PTPRM: variants seen among roughly 807,000 people sequenced by gnomAD.
PTPRM encodes protein tyrosine phosphatase receptor type M.
PTPRM carries 47 observed loss-of-function variants against 186.7 expected under a neutral mutation model. The observed-to-expected ratio is 0.25, with a 90% CI of 0.20 to 0.32. The LOEUF is 0.32. PTPRM is among the 10% of genes least tolerant of loss of function. PTPRM has a pLI of 1.00. For missense variants in PTPRM, 1,494 were observed against 1,865.0 expected (o/e 0.80, Z 3.66); for synonymous variants, 668 against 674.9 (o/e 0.99, Z 0.16).
intron 7 of PTPRM, among the ~76,000 whole-genome samples, chr18:8,000,436 A>G (rs1040528470): frequency 2.6e-5 from 4 of 152,324 alleles, no homozygotes; most frequent in African/African-American, 9.6e-5. Flanking sequence ...TGTGCCAATA[A>G]GTGAATATAT....
chr18:8,280,660 T>C (rs1159903369), intron 19 of PTPRM, among the ~76,000 whole-genome samples: 1 of 152,192 alleles, frequency 6.6e-6, no homozygotes, highest in Admixed American at 6.5e-5. Context: ...CCAGCCTCGT[T>C]GCAAGTGCTC....
chr18:7,630,500 G>A (rs1183350144), intron 1 of PTPRM, among the ~76,000 whole-genome samples: 2 of 152,144 alleles, frequency 1.3e-5, no homozygotes, highest in East Asian at 3.9e-4. Context: ...TGAGAGATGT[G>A]GTTATGAGGA....
intron 14 of PTPRM, among the ~76,000 whole-genome samples, chr18:8,187,062 C>A (rs2093652325): frequency 1.3e-5 from 2 of 151,922 alleles, no homozygotes; most frequent in Admixed American, 1.3e-4. Flanking sequence ...CTGTCAGCCT[C>A]CCGAGTAGTT....
At position 8,394,561 on chromosome 18, in the gene PTPRM, C is replaced by G; in HGVS notation, c.4294C>G (p.His1432Asp). ...LRHQRTVDVFHAVKTLRNNKP... is the reference protein window; with the variant it reads ...LRHQRTVDVFDAVKTLRNNKP... ...GCACCAGAGAACCGTGGATGTCTTT[C>G]ACGCTGTGAAGACACTGAGGAACAA... Residue 1432 changes from histidine to aspartate, a missense_variant, in exon 32 of 33, where the codon CAC becomes GAC. Coordinates refer to ENST00000580170, the MANE Select transcript of PTPRM (RefSeq NM_001105244.2). 4 of 1,613,788 alleles carry G rather than the reference C, an allele frequency of 2.5e-6. No homozygotes were observed. Among genetic ancestry groups the G allele is most frequent in the Non-Finnish European group, 3.4e-6 (4 of 1,179,858 alleles).
chr18:7,878,323 G>A (rs1482934463), intron 2 of PTPRM, among the ~76,000 whole-genome samples: 2 of 152,112 alleles, frequency 1.3e-5, no homozygotes, highest in East Asian at 1.9e-4. Context: ...TGTGGACACC[G>A]TTTCATTTTC....
chr18:7,675,730 C>T (rs1283906136), intron 1 of PTPRM, among the ~76,000 whole-genome samples: 4 of 143,596 alleles, frequency 2.8e-5, no homozygotes, highest in African/African-American at 1.1e-4. Context: ...TTTGCTTTTT[C>T]ATTCAGCATT....
At chr18:8,245,400 G>C (rs1013687492) in intron 15 of PTPRM, among the ~76,000 whole-genome samples, 1 of 152,152 alleles carries the variant, frequency 6.6e-6, no homozygotes, top group Admixed American at 6.5e-5. Context: ...GGGCAGCACT[G>C]TTGCTTTCAT....
chr18:8,003,227 T>G (rs2083975920), intron 7 of PTPRM, among the ~76,000 whole-genome samples: 1 of 152,140 alleles, frequency 6.6e-6, no homozygotes, highest in African/African-American at 2.4e-5. Context: ...ATAAGTCTCA[T>G]GAGATCTGAT....
intron 14 of PTPRM, among the ~76,000 whole-genome samples, chr18:8,180,739 G>A (rs2093561246): frequency 6.6e-6 from 1 of 152,162 alleles, no homozygotes; most frequent in Non-Finnish European, 1.5e-5. Context: ...CCACCATTTT[G>A]CCTCTTAGTG....
At chr18:8,146,102 C>T (rs1026307893) in intron 14 of PTPRM, among the ~76,000 whole-genome samples, 9 of 149,524 alleles carry the variant, frequency 6.0e-5, no homozygotes, top group South Asian at 4.2e-4. Flanking sequence ...GATCCCAGCT[C>T]GCTGCAACCT....
intron 14 of PTPRM, among the ~76,000 whole-genome samples, chr18:8,227,864 A>G (rs142816470): frequency 1.0e-3 from 157 of 152,294 alleles, no homozygotes; most frequent in Non-Finnish European, 2.0e-3. Flanking sequence ...CACTATCACT[A>G]ATGTCACTTG....
chr18:8,174,321 G>A (rs913219767), intron 14 of PTPRM, among the ~76,000 whole-genome samples: 1 of 152,166 alleles, frequency 6.6e-6, no homozygotes, highest in African/African-American at 2.4e-5. Context: ...CTTGGCCTAA[G>A]TCTAGGAATA....
intron 1 of PTPRM, among the ~76,000 whole-genome samples, chr18:7,697,405 CA>C (rs2039868675): frequency 6.6e-6 from 1 of 152,134 alleles, no homozygotes; most frequent in African/African-American, 2.4e-5. Context: ...AACAAGCAAA[CA>C]AACAAACAAG....
chr18:8,046,042 T>C (rs111588044), intron 7 of PTPRM, among the ~76,000 whole-genome samples: 5,067 of 152,064 alleles, frequency 0.033, 167 homozygotes, highest in African/African-American at 0.091. Flanking sequence ...GTGGGGGCGG[T>C]TTCCTCCATG....
At chr18:7,620,035 G>T (rs1444903892) in intron 1 of PTPRM, among the ~76,000 whole-genome samples, 1 of 152,160 alleles carries the variant, frequency 6.6e-6, no homozygotes, top group African/African-American at 2.4e-5. Flanking sequence ...TGTTACTGCA[G>T]CATGACTTAG....
At chr18:7,933,326 TAAGA>T (rs2051599878) in intron 5 of PTPRM, among the ~76,000 whole-genome samples, 1 of 152,198 alleles carries the variant, frequency 6.6e-6, no homozygotes, top group Non-Finnish European at 1.5e-5. Context: ...AGATCTACAG[TAAGA>T]AAGAATCTTC....
chr18:7,982,784 T>C (rs1389916954), intron 7 of PTPRM, among the ~76,000 whole-genome samples: 1 of 152,108 alleles, frequency 6.6e-6, no homozygotes, highest in Non-Finnish European at 1.5e-5. Flanking sequence ...AGTTTTCAGC[T>C]CCAGCATACT....
Position 7,567,986 on chromosome 18 carries a change from G to A in PTPRM, c.73+95G>A. 1 of 1,228,768 alleles carries A rather than the reference G, an allele frequency of 8.1e-7. No homozygotes were observed. Among genetic ancestry groups the A allele is most frequent in the Non-Finnish European group, 1.1e-6 (1 of 946,958 alleles). The allele number at this position is 1,228,768 out of a possible 1,614,324, so 76.1% of individuals were successfully genotyped here. ...TCCCTGGTGGTAGAGCCCTAAGGCT[G>A]GCGTCGGGGCCGGGCGGGGGGCGCG... On this transcript the variant is annotated intron_variant, in intron 1 of 32. Transcript: ENST00000580170. This position sits in a 1 kb window ranked among gnomAD's most constrained non-coding sequence, Gnocchi z 4.3.
chr18:7,781,180 C>G (rs912488291), intron 2 of PTPRM, among the ~76,000 whole-genome samples: 1 of 152,046 alleles, frequency 6.6e-6, no homozygotes, highest in African/African-American at 2.4e-5. Flanking sequence ...TTCTTATTTT[C>G]TCTTCTGAAT....
Sources: allele counts gnomAD v4.1 joint callset (sites outside exome capture counted in the v4.1 genomes callset), GRCh38; gene constraint gnomAD v4.1.1; non-coding constraint Gnocchi (gnomAD v3.1); transcripts MANE v1.5; gene names NCBI Gene and HGNC (gene_info 2026-07-23, HGNC 2026-07-21).